The following DCAF8L2 variants were observed in gnomAD, a reference collection of about 807,000 sequenced individuals.
DCAF8L2 encodes DDB1 and CUL4 associated factor 8 like 2.
For missense variants in DCAF8L2, 430 were observed against 490.7 expected, an observed-to-expected ratio of 0.88 and a Z score of 1.17; for synonymous variants, 200 against 190.9, an observed-to-expected ratio of 1.05 and a Z score of -0.39.
chrX:27,725,932 T>C (rs1932056353), intron 4 of DCAF8L2, among the ~76,000 whole-genome samples: 1 of 111,300 alleles, frequency 9.0e-6, no homozygotes, highest in Non-Finnish European at 1.9e-5. Context: ...GTTCTTTCAA[T>C]TTATTTTCTG....
At chrX:27,520,508 T>TGGCCGGGCGCGG in the DCAF8L2 span, among the ~76,000 whole-genome samples, 1 of 112,067 alleles carries the variant, frequency 8.9e-6, no homozygotes, top group East Asian at 2.8e-4. Flanking sequence ...TAAGAATCGT[T>TGGCCGGGCGCGG]TTAACTCTTA....
chrX:27,557,004 G>A, the DCAF8L2 span, among the ~76,000 whole-genome samples: 2 of 112,211 alleles, frequency 1.8e-5, no homozygotes, highest in African/African-American at 3.2e-5. Flanking sequence ...AAATGGCTTT[G>A]AAATATTTTC....
At chrX:27,711,782 T>C (rs1230515628) in intron 3 of DCAF8L2, among the ~76,000 whole-genome samples, 1 of 110,841 alleles carries the variant, frequency 9.0e-6, no homozygotes, top group Non-Finnish European at 1.9e-5. Context: ...GTTGGTATAA[T>C]TTCTCAAATG....
chrX:27,637,095 C>T (rs1362306320), intron 2 of DCAF8L2, among the ~76,000 whole-genome samples: 1 of 112,050 alleles, frequency 8.9e-6, no homozygotes, highest in African/African-American at 3.2e-5. Flanking sequence ...CAAAAAATGA[C>T]ATCTGTACAT....
intron 3 of DCAF8L2, among the ~76,000 whole-genome samples, chrX:27,694,626 T>C (rs752009517): frequency 4.7e-4 from 52 of 111,680 alleles, no homozygotes; most frequent in African/African-American, 1.5e-3. Context: ...AGTTCAATTA[T>C]TTGAAAAGAT....
At chrX:27,592,160 A>G (rs1234251613) in intron 1 of DCAF8L2, among the ~76,000 whole-genome samples, 2 of 112,195 alleles carry the variant, frequency 1.8e-5, no homozygotes, top group East Asian at 2.8e-4. Flanking sequence ...GGCCCCGTCC[A>G]GGGCTGAGTG....
At chrX:27,488,241 A>C in the DCAF8L2 span, among the ~76,000 whole-genome samples, 1 of 110,781 alleles carries the variant, frequency 9.0e-6, no homozygotes, top group African/African-American at 3.3e-5. Flanking sequence ...TCCCCTCCTA[A>C]AAAATGGTAT....
At chrX:27,732,130 AT>A (rs1280346922) in intron 4 of DCAF8L2, among the ~76,000 whole-genome samples, 1 of 111,719 alleles carries the variant, frequency 9.0e-6, no homozygotes, top group South Asian at 3.8e-4. Flanking sequence ...AGTTACCCTT[AT>A]TTGTGATAAG....
Position 27,737,296 on chromosome X carries a change from T to C in DCAF8L2, c.-58-9542T>C, listed in dbSNP as rs150270432. 4.5e-3 allele frequency among the ~76,000 whole-genome samples: 506 copies of C among 111,443 alleles called. 3 individuals are homozygous for C. The highest frequency in any genetic ancestry group is 7.6e-3 in the Non-Finnish European group (405 of 53,092). ...AGCTGGCCTTGTCTTGTATTGCTGC[T>C]TACACTTACTCTGTGTTCCAACCAT... On this transcript the variant is annotated intron_variant, in intron 4 of 4. Transcript: ENST00000451261.
chrX:27,692,137 C>T (rs748669802), intron 3 of DCAF8L2, among the ~76,000 whole-genome samples: 1 of 111,861 alleles, frequency 8.9e-6, no homozygotes, highest in Admixed American at 9.5e-5. Context: ...CAAATATCTT[C>T]CAGATAACAT....
At chrX:27,607,267 G>T in intron 1 of DCAF8L2, among the ~76,000 whole-genome samples, 1 of 111,988 alleles carries the variant, frequency 8.9e-6, no homozygotes, top group African/African-American at 3.2e-5. Context: ...AATAAATAAT[G>T]TGGGTTTGGT....
At position 27,614,060 on chromosome X, in the gene DCAF8L2, C is replaced by T. The variant is rs184487964; in HGVS notation, c.-341-17819C>T. The stretch of plus-strand genomic sequence containing the variant: ...TCCTCTTTCTACCTCTGGTAGAATT[C>T]GGCTGTGAATCCATCTGGTCCTGGA... On this transcript the variant is annotated intron_variant, in intron 1 of 4. Coordinates refer to ENST00000451261, the MANE Select transcript of DCAF8L2 (RefSeq NM_001353450.2). Among the ~76,000 whole-genome samples, 1,061 of 111,127 alleles carry T rather than the reference C, an allele frequency of 9.5e-3. 7 individuals are homozygous for T. The highest frequency in any genetic ancestry group is 0.033 in the African/African-American group (1,006 of 30,516).
intron 1 of DCAF8L2, among the ~76,000 whole-genome samples, chrX:27,617,768 T>TA (rs777850429): frequency 8.9e-6 from 1 of 111,738 alleles, no homozygotes; most frequent in African/African-American, 3.2e-5. Flanking sequence ...AGGGAATTTT[T>TA]AAAAAATCAC....
the DCAF8L2 span, among the ~76,000 whole-genome samples, chrX:27,489,549 A>G: frequency 8.9e-6 from 1 of 112,798 alleles, no homozygotes; most frequent in African/African-American, 3.2e-5. Context: ...TAAAATATGT[A>G]TATAATTTCC....
intron 4 of DCAF8L2, among the ~76,000 whole-genome samples, chrX:27,724,503 A>T (rs1216697366): frequency 1.8e-5 from 2 of 111,015 alleles, no homozygotes; most frequent in African/African-American, 6.5e-5. Flanking sequence ...TTTGGAATAT[A>T]AAAATTCTTT....
At chrX:27,496,490 A>T in the DCAF8L2 span, among the ~76,000 whole-genome samples, 2 of 111,488 alleles carry the variant, frequency 1.8e-5, no homozygotes, top group Non-Finnish European at 3.8e-5. Flanking sequence ...TATACAGGGA[A>T]TTCATGTCAT....
the DCAF8L2 span, among the ~76,000 whole-genome samples, chrX:27,539,824 T>G: frequency 9.0e-6 from 1 of 111,336 alleles, no homozygotes; most frequent in Non-Finnish European, 1.9e-5. Flanking sequence ...TTATCTAGAT[T>G]GAGGTCTCAA....
intron 1 of DCAF8L2, among the ~76,000 whole-genome samples, chrX:27,610,754 C>G (rs190687942): frequency 1.9e-3 from 218 of 112,146 alleles, no homozygotes; most frequent in Non-Finnish European, 3.4e-3. Flanking sequence ...GTGGTCCCCA[C>G]TGTACTTCTA....
chrX:27,611,512 T>C (rs1927167584), intron 1 of DCAF8L2, among the ~76,000 whole-genome samples: 1 of 110,013 alleles, frequency 9.1e-6, no homozygotes, highest in African/African-American at 3.3e-5. Flanking sequence ...GTGACATATG[T>C]TTACATGTGC....
Sources: gnomAD v4.1 joint callset for allele counts (sites outside exome capture counted in the v4.1 genomes callset) on GRCh38, gnomAD v4.1.1 for gene constraint, MANE v1.5 for transcripts, NCBI Gene and HGNC (gene_info 2026-07-23, HGNC 2026-07-21) for gene names.